SCGN: variants seen among roughly 807,000 people sequenced by gnomAD.
SCGN encodes secretagogin, EF-hand calcium binding protein, also known as secretagogin.
SCGN carries 30 observed loss-of-function variants against 39.7 expected under a neutral mutation model. The ratio of observed to expected loss-of-function variants is 0.76; its 90% CI spans 0.57 to 1.03. SCGN has a LOEUF of 1.03. Ranked by LOEUF, SCGN falls within the 50% of genes least tolerant of loss-of-function variation. SCGN has a pLI of 0.00. For missense variants in SCGN, 353 were observed against 349.4 expected (o/e 1.01, Z -0.08); for synonymous variants, 106 against 114.1 (o/e 0.93, Z 0.45).
chr6:25,688,276 C>T (rs778704286), intron 7 of SCGN, among the ~76,000 whole-genome samples: 10 of 152,086 alleles, frequency 6.6e-5, no homozygotes, highest in Non-Finnish European at 5.9e-5. Context: ...GTATTGATGA[C>T]TTTTGTTGTT....
intron 6 of SCGN, among the ~76,000 whole-genome samples, chr6:25,677,980 C>A (rs559200936): frequency 6.6e-6 from 1 of 152,280 alleles, no homozygotes; most frequent in Admixed American, 6.5e-5. Context: ...ATTGCACCTA[C>A]AAAGATTTGA....
intron 2 of SCGN, among the ~76,000 whole-genome samples, chr6:25,658,144 A>C (rs745509760): frequency 6.8e-6 from 1 of 147,448 alleles, no homozygotes; most frequent in Non-Finnish European, 1.5e-5. Flanking sequence ...GGTTCAAGCT[A>C]TTCTCCTGCC....
intron 9 of SCGN, 24 bp from the exon 10 acceptor site, chr6:25,691,032 G>C: frequency 6.2e-7 from 1 of 1,601,200 alleles, no homozygotes; most frequent in East Asian, 2.2e-5. Context: ...TGATATTTGG[G>C]CAATTGGATC....
At chr6:25,654,631 G>A (rs1760194652) in intron 2 of SCGN, among the ~76,000 whole-genome samples, 1 of 151,690 alleles carries the variant, frequency 6.6e-6, no homozygotes, top group African/African-American at 2.4e-5. Flanking sequence ...CAGTCTCTCT[G>A]CTTCTCAAAG....
At chr6:25,694,196 A>G (rs1759810397) in intron 10 of SCGN, among the ~76,000 whole-genome samples, 1 of 152,202 alleles carries the variant, frequency 6.6e-6, no homozygotes, top group South Asian at 2.1e-4. Context: ...ATTTTGCTGG[A>G]TCCCTTCTTA....
chr6:25,666,465 A>G (rs1444153138), intron 4 of SCGN, among the ~76,000 whole-genome samples: 1 of 152,246 alleles, frequency 6.6e-6, no homozygotes. Flanking sequence ...ATCGTCACTT[A>G]TAGTTCAAAC....
At chr6:25,659,930 C>T (rs115535953) in intron 2 of SCGN, among the ~76,000 whole-genome samples, 2,362 of 152,146 alleles carry the variant, frequency 0.016, 29 homozygotes, top group Non-Finnish European at 0.021. Flanking sequence ...GACAGCCCCT[C>T]CGAGTCAAGA....
intron 4 of SCGN, among the ~76,000 whole-genome samples, chr6:25,665,854 T>C (rs1431048711): frequency 6.6e-6 from 1 of 152,072 alleles, no homozygotes; most frequent in Non-Finnish European, 1.5e-5. Flanking sequence ...TTAAGCAAAA[T>C]GGCAAAGATT....
At chr6:25,665,301 T>A (rs898370665) in intron 4 of SCGN, among the ~76,000 whole-genome samples, 1 of 151,876 alleles carries the variant, frequency 6.6e-6, no homozygotes, top group Non-Finnish European at 1.5e-5. Flanking sequence ...GCAGGTACAC[T>A]GAAGAATGGA....
In SCGN at chr6:25,701,237, T is replaced by C; in HGVS notation, c.733T>C (p.Phe245Leu). The C allele has an allele frequency of 6.2e-7, 1 of 1,613,202 alleles. No homozygotes were observed. Among genetic ancestry groups the C allele is most frequent in the East Asian group, 2.2e-5 (1 of 44,778 alleles). The change falls in exon 11 of 11, where the codon TTC (phenylalanine) becomes CTC (leucine). Residue 245 changes from phenylalanine (F) to leucine (L), a missense_variant. Coordinates refer to ENST00000377961, the MANE Select transcript of SCGN (RefSeq NM_006998.4). ...CATCAGCGGGGTGGACCTTGATAAGTTCCGCGAGATTCTCCTGCGTCACTG... is the reference window on the plus strand; with the variant it reads ...CATCAGCGGGGTGGACCTTGATAAGCTCCGCGAGATTCTCCTGCGTCACTG... ...PSISGVDLDKFREILLRHCDV... is the reference protein window; with the variant it reads ...PSISGVDLDKLREILLRHCDV...
At chr6:25,669,202 T>C (rs555578939) in intron 4 of SCGN, among the ~76,000 whole-genome samples, 2 of 152,256 alleles carry the variant, frequency 1.3e-5, no homozygotes, top group East Asian at 1.9e-4. Context: ...TTGCCCCAAA[T>C]TGAAGTTCAT....
intron 10 of SCGN, among the ~76,000 whole-genome samples, chr6:25,693,687 T>G (rs1464440737): frequency 2.0e-5 from 3 of 152,162 alleles, no homozygotes; most frequent in Non-Finnish European, 4.4e-5. Flanking sequence ...ACTAACATAT[T>G]TTAGAATGCA....
At chr6:25,681,030 G>T (rs1759631592) in intron 6 of SCGN, among the ~76,000 whole-genome samples, 1 of 152,122 alleles carries the variant, frequency 6.6e-6, no homozygotes, top group African/African-American at 2.4e-5. Flanking sequence ...TTAAAATGTT[G>T]TAAAGTCACA....
chr6:25,685,696 C>T (rs769655202), intron 7 of SCGN, among the ~76,000 whole-genome samples: 6 of 151,954 alleles, frequency 3.9e-5, no homozygotes, highest in Non-Finnish European at 8.8e-5. Context: ...GACATATTTG[C>T]TTTCTAAAAC....
In SCGN at chr6:25,652,373, G is replaced by T. The variant is rs768542772; in HGVS notation, c.-31G>T. 6.2e-7 allele frequency: 1 copy of T among 1,604,084 alleles called. No homozygotes were observed. The highest frequency in any genetic ancestry group is 8.5e-7 in the Non-Finnish European group (1 of 1,171,132). On this transcript the variant is annotated 5_prime_UTR_variant, in exon 1 of 11. Coordinates refer to ENST00000377961, the MANE Select transcript of SCGN (RefSeq NM_006998.4). ...TTCCCAAAGTTGTCTAGGTCCTTCC[G>T]CGCCGGTGCCTGGTCTTCGTCGTCA...
At chr6:25,660,976 C>T (rs1005159484) in intron 2 of SCGN, among the ~76,000 whole-genome samples, 1 of 152,168 alleles carries the variant, frequency 6.6e-6, no homozygotes, top group African/African-American at 2.4e-5. Context: ...CCATAAAATC[C>T]ACCAAAGAAG....
chr6:25,676,789 CCT>C (rs139931441), intron 6 of SCGN, among the ~76,000 whole-genome samples: 1,414 of 140,968 alleles, frequency 0.01, 18 homozygotes, highest in African/African-American at 0.032. Flanking sequence ...TCTTCCATCC[CCT>C]CTTTCCAAAT....
intron 5 of SCGN, 104 bp from the exon 6 acceptor site, chr6:25,669,895 C>A: frequency 1.0e-6 from 1 of 955,634 alleles, no homozygotes; most frequent in Non-Finnish European, 1.7e-6. Flanking sequence ...ATTTTATTTC[C>A]TCCTGGAAAC....
chr6:25,661,666 T>G (rs1355837954), intron 3 of SCGN, 22 bp downstream of exon 3: 1 of 1,468,632 alleles, frequency 6.8e-7, no homozygotes, highest in Admixed American at 1.7e-5. Flanking sequence ...GACAGTATTT[T>G]TCATGGCTCT....
Sources: allele counts gnomAD v4.1 joint callset (sites outside exome capture counted in the v4.1 genomes callset), GRCh38; gene constraint gnomAD v4.1.1; transcripts MANE v1.5; gene names NCBI Gene and HGNC (gene_info 2026-07-23, HGNC 2026-07-21).